ABCA7: variants seen among roughly 807,000 people sequenced by gnomAD.
The protein encoded by ABCA7 is phospholipid-transporting ATPase ABCA7.
A neutral mutation model predicts 227.6 loss-of-function variants in ABCA7; 261 were observed. The ratio of observed to expected loss-of-function variants is 1.15; its 90% CI spans 1.04 to 1.27. The LOEUF is 1.27. Ranked by LOEUF, ABCA7 falls within the 50% of genes most tolerant of loss-of-function variation. The pLI is 0.00. For synonymous variants in ABCA7, 1,488 were observed against 1,279.7 expected, an observed-to-expected ratio of 1.16 and a Z score of -3.47; for missense variants, 3,331 against 2,924.5, an observed-to-expected ratio of 1.14 and a Z score of -3.21.
intron 18 of ABCA7, among the ~76,000 whole-genome samples, chr19:1,050,246 T>C (rs1461849250): frequency 1.3e-5 from 2 of 151,148 alleles, no homozygotes; most frequent in African/African-American, 4.9e-5. Context: ...CCATCTCTAC[T>C]AAAAATACAA....
At chr19:1,053,279 G>A in intron 23 of ABCA7, 50 bp from the exon 24 acceptor site, 1 of 1,558,654 alleles carries the variant, frequency 6.4e-7, no homozygotes, top group Non-Finnish European at 8.7e-7. Flanking sequence ...CAGGGAGACT[G>A]GGGTGGGGCG....
rs1252924204 is a variant in ABCA7, at chr19:1,064,950, C to G, written c.6064C>G (p.Leu2022Val). Residue 2022 changes from leucine to valine, a missense_variant, in exon 46 of 47, where the codon CTG becomes GTG. By Grantham distance (32) the Leu-to-Val change is conservative (BLOSUM62 1). Transcript: ENST00000263094. The part of the protein sequence containing the change: ...LKGRFAAGHT[L>V]TLRVPAARSQ... ...CTGCAGATTCGCGGCGGGTCACACA[C>G]TGACCCTGCGGGTGCCCGCCGCAAG... is the stretch of plus-strand genomic sequence containing the variant. 15 of 1,544,552 alleles carry G rather than the reference C, an allele frequency of 9.7e-6. No individual in the cohort carries two copies. Among genetic ancestry groups the G allele is most frequent in the Admixed American group, 3.9e-5 (2 of 50,868 alleles).
In ABCA7 at chr19:1,042,374, C is replaced by T. The variant is rs1168338516; in HGVS notation, c.475C>T (p.Leu159=). Residue 159 remains leucine, a synonymous_variant, in exon 6 of 47, where the codon CTG becomes TTG. Coordinates refer to ENST00000263094, the MANE Select transcript of ABCA7 (RefSeq NM_019112.4). The stretch of plus-strand genomic sequence containing the variant: ...ACCACCCATGCTGGATGTCGCGGAG[C>T]TGCTGACGTCACTGCTGCGCACGGT... ...LEPPMLDVAE[L]LTSLLRTESL... 2 of 1,606,150 alleles carry T rather than the reference C, an allele frequency of 1.2e-6. No homozygotes were observed. The highest frequency in any genetic ancestry group is 3.3e-5 in the Admixed American group (2 of 59,772).
rs4147915 is a variant in ABCA7, at chr19:1,049,306, C to G, written c.2421C>G (p.Val807=). 10 of 1,610,976 alleles carry G rather than the reference C, an allele frequency of 6.2e-6. No homozygotes were observed. The highest frequency in any genetic ancestry group is 8.5e-6 in the Non-Finnish European group (10 of 1,178,898). Residue 807 remains valine (V), a synonymous_variant, in exon 18 of 47, where the codon GTC becomes GTG. Transcript: ENST00000263094. ...CACCGCCCGGCCTGAGTCCTGGCGT[C>G]TCCGTTCGCAGCCTGGAGAAGCGCT... is the stretch of plus-strand genomic sequence containing the variant. ...EEAPPGLSPG[V]SVRSLEKRFP...
chr19:1,046,925 C>A lies in ABCA7; in HGVS notation c.1746C>A (p.Arg582=). 6.4e-7 allele frequency: 1 copy of A among 1,558,978 alleles called. No individual in the cohort carries two copies. The stretch of plus-strand genomic sequence containing the variant: ...AGACGCGGCTGCGGGACACCATGCG[C>A]GCCATGGGGCTCAGCCGCGCGGTGC... The part of the protein sequence containing the change: ...EKETRLRDTM[R]AMGLSRAVLW... Residue 582 remains arginine (R), a synonymous_variant, in exon 14 of 47, where the codon CGC becomes CGA. Coordinates refer to ENST00000263094, the MANE Select transcript of ABCA7 (RefSeq NM_019112.4).
chr19:1,048,819 A>AG, intron 16 of ABCA7, 76 bp from the exon 17 acceptor site: 1 of 850,508 alleles, frequency 1.2e-6, no homozygotes, highest in East Asian at 3.1e-5. Flanking sequence ...AAAAAAAAAA[A>AG]AAAACAAAAC....
chr19:1,041,090 C>G, intron 1 of ABCA7, 135 bp from the exon 2 acceptor site: 1 of 568,062 alleles, frequency 1.8e-6, no homozygotes, highest in Non-Finnish European at 3.2e-6. Context: ...AGCTGTCAGC[C>G]CTGCTCAGAG....
intron 21 of ABCA7, 37 bp from the exon 22 acceptor site, chr19:1,051,905 G>C (rs1249443194): frequency 6.2e-7 from 1 of 1,600,002 alleles, no homozygotes; most frequent in East Asian, 2.2e-5. Context: ...AGACGCGGCG[G>C]CCTGATGGTA....
In ABCA7 at chr19:1,043,852, G is replaced by T; in HGVS notation, c.1047+11G>T. ...GTGGCCATGCTGCAGGTGTGCGGGG[G>T]TGCTGGGGAGGTGGGATGTGGCTCC... On this transcript the variant is annotated intron_variant, in intron 10 of 46. Transcript: ENST00000263094. The T allele has an allele frequency of 6.2e-7, 1 of 1,612,252 alleles. No homozygotes were observed. The highest frequency in any genetic ancestry group is 8.5e-7 in the Non-Finnish European group (1 of 1,179,378).
rs2042056415 is a variant in ABCA7, at chr19:1,054,375, AG to A, written c.3726+35del. 1.3e-6 allele frequency: 2 copies of A among 1,571,482 alleles called. No individual in the cohort carries two copies. The highest frequency in any genetic ancestry group is 1.7e-6 in the Non-Finnish European group (2 of 1,162,872). ...GGCTAGCACCAGGGAGTCGCATGGG[AG>A]TCCCTGAGTTCCCTACCCTGGCCGT... is the stretch of plus-strand genomic sequence containing the variant. On this transcript the variant is annotated intron_variant, in intron 27 of 46. Coordinates refer to ENST00000263094, the MANE Select transcript of ABCA7 (RefSeq NM_019112.4). The surrounding 1 kb of genome is among the most constrained non-coding windows in gnomAD (Gnocchi z 4.8).
At chr19:1,051,096 G>A in intron 19 of ABCA7, 44 bp downstream of exon 19, 1 of 1,611,410 alleles carries the variant, frequency 6.2e-7, no homozygotes, top group Non-Finnish European at 8.5e-7. Flanking sequence ...GAAGGGACTG[G>A]ACGCCCTCTG....
rs776920026 is a variant in ABCA7 at position 1,056,918 on chromosome 19, C to T, written c.4598C>T (p.Ser1533Leu). ...QLSEGALMAS[S>L]VDVLVSICVV... is the part of the protein sequence containing the mutation. ...GTCTTCACCTCCAGGATGGCCTCCT[C>T]GGTGGACGTCCTCGTCTCCATCTGT... The change falls in exon 34 of 47, where the codon TCG becomes TTG. Residue 1533 changes from serine to leucine, a missense_variant. Transcript: ENST00000263094. The surrounding 1 kb of genome is among the most constrained non-coding windows in gnomAD (Gnocchi z 4.3). 3.7e-6 allele frequency: 6 copies of T among 1,613,462 alleles called. No individual in the cohort carries two copies. The highest frequency in any genetic ancestry group is 2.7e-5 in the African/African-American group (2 of 74,928).
intron 6 of ABCA7, 131 bp downstream of exon 6, chr19:1,042,528 C>A: frequency 8.1e-7 from 1 of 1,233,014 alleles, no homozygotes; most frequent in Non-Finnish European, 1.2e-6. Context: ...TGCGGTGATG[C>A]TGCTTGTCCG....
chr19:1,044,568 G>C lies in ABCA7; in HGVS notation c.1048-9G>C. ...GACCCAGACTCTCACTTTCACCTGC[G>C]CCCCCCAGCGGCTCCTGCAGATGCA... is the stretch of plus-strand genomic sequence containing the variant. On this transcript the variant is annotated splice_polypyrimidine_tract_variant and intron_variant, in intron 10 of 46. Coordinates refer to ENST00000263094, the MANE Select transcript of ABCA7 (RefSeq NM_019112.4). The C allele has an allele frequency of 6.2e-7, 1 of 1,608,314 alleles. No homozygotes were observed. The highest frequency in any genetic ancestry group is 8.5e-7 in the Non-Finnish European group (1 of 1,177,294).
Position 1,055,535 on chromosome 19 carries a change from C to G in ABCA7, c.4205+184C>G, listed in dbSNP as rs1358806758. On this transcript the variant is annotated intron_variant, in intron 30 of 46. Coordinates refer to ENST00000263094, the MANE Select transcript of ABCA7 (RefSeq NM_019112.4). ...TTTTTTTTTTTGAGATGGAGTCTCCCTCTGTTGCCCAGGCTGGAGTGCAGA... is the reference window on the plus strand; with the variant it reads ...TTTTTTTTTTTGAGATGGAGTCTCCGTCTGTTGCCCAGGCTGGAGTGCAGA... Among the ~76,000 whole-genome samples the G allele has an allele frequency of 1.4e-5, 2 of 144,190 alleles. 1 individual carries two copies. The highest frequency in any genetic ancestry group is 4.0e-4 in the East Asian group (2 of 5,004). The allele number at this position is 144,190 out of a possible 152,430, so 94.6% of individuals were successfully genotyped here.
chr19:1,054,217 A>G lies in ABCA7; in HGVS notation c.3602A>G (p.Gln1201Arg), dbSNP rs565238171. 2.8e-5 allele frequency: 45 copies of G among 1,608,768 alleles called. No individual in the cohort carries two copies. In the East Asian group the frequency reaches 9.2e-4, roughly 33 times the overall value. ...EPAGSAPETD[Q>R]GSGPDAVGRV... ...GCTGGGTCAGCCCCAGAGACTGACCAGGGCTCTGGGCCAGACGCCGTGGGC... is the reference window on the plus strand; with the variant it reads ...GCTGGGTCAGCCCCAGAGACTGACCGGGGCTCTGGGCCAGACGCCGTGGGC... Residue 1201 changes from glutamine (Q) to arginine (R), a missense_variant, in exon 27 of 47, where the codon CAG (glutamine) becomes CGG (arginine). Gln to Arg is a conservative substitution (Grantham distance 43). Transcript: ENST00000263094. This position sits in a 1 kb window ranked among gnomAD's most constrained non-coding sequence, Gnocchi z 4.8.
chr19:1,056,936 C>A lies in ABCA7; in HGVS notation c.4616C>A (p.Ser1539Tyr), dbSNP rs755622043. 6.2e-7 allele frequency: 1 copy of A among 1,614,022 alleles called. No individual in the cohort carries two copies. Residue 1539 changes from serine to tyrosine, a missense_variant, in exon 34 of 47, where the codon TCC becomes TAC. Ser to Tyr is a moderately radical substitution (Grantham distance 144). Coordinates refer to ENST00000263094, the MANE Select transcript of ABCA7 (RefSeq NM_019112.4). The surrounding 1 kb of genome is among the most constrained non-coding windows in gnomAD (Gnocchi z 4.3). ...GCCTCCTCGGTGGACGTCCTCGTCT[C>A]CATCTGTGTGGTCTTTGCCATGTCC... ...LMASSVDVLVSICVVFAMSFV... is the reference protein window; with the variant it reads ...LMASSVDVLVYICVVFAMSFV...
chr19:1,043,295 TGGGCAGGG>T, intron 8 of ABCA7, 31 bp from the exon 9 acceptor site: 1 of 1,611,848 alleles, frequency 6.2e-7, no homozygotes, highest in Non-Finnish European at 8.5e-7. Flanking sequence ...AGTGGAACTC[TGGGCAGGG>T]GGGCAGGGCC....
Position 1,065,564 on chromosome 19 carries a change from G to T in ABCA7, c.*139G>T. 9.7e-7 allele frequency: 1 copy of T among 1,035,280 alleles called. No homozygotes were observed. Among genetic ancestry groups the T allele is most frequent in the Non-Finnish European group, 1.4e-6 (1 of 726,282 alleles). 64.1% of individuals were successfully genotyped at this position (1,035,280 alleles called of 1,614,324 possible). ...AAGAGAAGGCTGGAGAGAAGCCGTG[G>T]TGGTGAAACCGTGTGCATGTGTGTC... On this transcript the variant is annotated 3_prime_UTR_variant, in exon 47 of 47. Transcript: ENST00000263094.
Sources: allele counts gnomAD v4.1 joint callset (sites outside exome capture counted in the v4.1 genomes callset), GRCh38; gene constraint gnomAD v4.1.1; non-coding constraint Gnocchi (gnomAD v3.1); transcripts MANE v1.5; gene names NCBI Gene and HGNC (gene_info 2026-07-23, HGNC 2026-07-21).